Variants in ZCCHC14 observed in about 807,000 individuals in gnomAD.
ZCCHC14 encodes zinc finger CCHC-type containing 14, also known as zinc finger CCHC domain-containing protein 14.
A neutral mutation model predicts 85.0 loss-of-function variants in ZCCHC14; 16 were observed. The observed-to-expected ratio is 0.19, with a 90% confidence interval of 0.13 to 0.29. The LOEUF is 0.29. Among genes scored for constraint, ZCCHC14 ranks in the 10% least tolerant of loss-of-function variants. ZCCHC14 has a pLI of 1.00. For synonymous variants in ZCCHC14, 775 were observed against 630.7 expected (o/e 1.23, Z -3.43); for missense variants, 1,303 against 1,443.5 (o/e 0.90, Z 1.58).
At chr16:87,427,650 T>A (rs2150734013) in intron 3 of ZCCHC14, among the ~76,000 whole-genome samples, 1 of 152,172 alleles carries the variant, frequency 6.6e-6, no homozygotes, top group African/African-American at 2.4e-5. Context: ...ATTTTTTTTC[T>A]TTTTTGAGAC....
intron 3 of ZCCHC14, among the ~76,000 whole-genome samples, chr16:87,432,357 T>A (rs1909705350): frequency 1.3e-5 from 2 of 152,076 alleles, no homozygotes; most frequent in Non-Finnish European, 1.5e-5. Flanking sequence ...AAAATATAAG[T>A]GAAGTGTCTA....
At chr16:87,489,512 G>A (rs1912656406) in intron 1 of ZCCHC14, among the ~76,000 whole-genome samples, 1 of 152,210 alleles carries the variant, frequency 6.6e-6, no homozygotes, top group African/African-American at 2.4e-5. Context: ...AGCATTTACT[G>A]CACCTCTGCT....
intron 3 of ZCCHC14, among the ~76,000 whole-genome samples, chr16:87,426,933 G>T (rs1260783312): frequency 6.6e-6 from 1 of 152,224 alleles, no homozygotes; most frequent in African/African-American, 2.4e-5. Context: ...AGGCCAGTAG[G>T]AATGAAACGC....
At chr16:87,473,780 G>C (rs891899066) in intron 1 of ZCCHC14, 3 of 151,982 alleles carry the variant, frequency 2.0e-5, no homozygotes, top group African/African-American at 7.3e-5. Context: ...AGAACACTTA[G>C]GCATCTAGGA....
chr16:87,410,186 G>A lies in ZCCHC14; in HGVS notation c.*94C>T, dbSNP rs1239711434. The A allele has an allele frequency of 9.9e-6, 6 of 605,612 alleles. No individual in the cohort carries two copies. The highest frequency in any genetic ancestry group is 9.5e-5 in the African/African-American group (5 of 52,532). The allele number at this position is 605,612 out of a possible 1,614,324, so 37.5% of individuals were successfully genotyped here. ...AAGTAAAGCACCTTTGGATTAAAAA[G>A]ATTAAGCTCAACAGCAACTAGACTT... On this transcript the variant is annotated 3_prime_UTR_variant, in exon 13 of 13. Coordinates refer to ENST00000671377, the MANE Select transcript of ZCCHC14 (RefSeq NM_015144.3).
intron 2 of ZCCHC14, among the ~76,000 whole-genome samples, chr16:87,453,706 C>T (rs1006944719): frequency 4.6e-5 from 7 of 152,266 alleles, no homozygotes; most frequent in Non-Finnish European, 7.3e-5. Context: ...AGAAACAACA[C>T]TCTTCAGAAC....
intron 1 of ZCCHC14, chr16:87,467,037 A>C (rs1041348324): frequency 1.1e-4 from 44 of 403,684 alleles, no homozygotes; most frequent in Non-Finnish European, 1.7e-4. Flanking sequence ...TCATGAAAAA[A>C]AAAAATTGTT....
chr16:87,458,434 C>A (rs1460930626), intron 2 of ZCCHC14, among the ~76,000 whole-genome samples: 5 of 152,196 alleles, frequency 3.3e-5, no homozygotes, highest in Non-Finnish European at 1.5e-5. Flanking sequence ...GTGGATAAGA[C>A]AAAGACTGTT....
intron 1 of ZCCHC14, among the ~76,000 whole-genome samples, chr16:87,469,053 T>G (rs1029489617): frequency 6.6e-6 from 1 of 152,168 alleles, no homozygotes; most frequent in Non-Finnish European, 1.5e-5. Flanking sequence ...TGAGAGACCA[T>G]GGAGAATAAA....
rs146676133 is a variant in ZCCHC14 at position 87,406,640 on chromosome 16, C to T, written c.*3640G>A. The T allele has an allele frequency of 6.6e-6, 1 of 152,424 alleles. No individual in the cohort carries two copies. Among genetic ancestry groups the T allele is most frequent in the African/African-American group, 2.4e-5 (1 of 41,576 alleles). The allele number at this position is 152,424 out of a possible 1,614,324, so 9.4% of individuals were successfully genotyped here. On this transcript the variant is annotated 3_prime_UTR_variant, in exon 13 of 13. Transcript: ENST00000671377. The stretch of plus-strand genomic sequence containing the variant: ...CATGTGATGAGGGCTTGTTACAACG[C>T]ACGTGAGGCCGCGGCGGATGGCCAC...
intron 2 of ZCCHC14, among the ~76,000 whole-genome samples, chr16:87,435,805 AT>A (rs1218336236): frequency 6.6e-6 from 1 of 152,206 alleles, no homozygotes; most frequent in Non-Finnish European, 1.5e-5. Flanking sequence ...AAAAATACAA[AT>A]GTTTATTTCC....
Position 87,462,453 on chromosome 16 carries a change from A to T in ZCCHC14, c.571-2322T>A, listed in dbSNP as rs139187702. Reference sequence around the variant, plus strand: ...AACACATTAACTGTACAAGAAACACAGCCAAGGCCGGGTGCAGTGGCTCAC... The same window carrying T: ...AACACATTAACTGTACAAGAAACACTGCCAAGGCCGGGTGCAGTGGCTCAC... On this transcript the variant is annotated intron_variant, in intron 1 of 12. Transcript: ENST00000671377. Among the ~76,000 whole-genome samples the T allele has an allele frequency of 2.6e-3, 394 of 152,304 alleles. 7 individuals are homozygous for T. The East Asian group carries it at 0.038, about 15-fold the overall frequency.
Position 87,420,003 on chromosome 16 carries a change from G to C in ZCCHC14, c.951-126C>G. On this transcript the variant is annotated intron_variant, in intron 5 of 12. Transcript: ENST00000671377. The surrounding 1 kb of genome is among the most constrained non-coding windows in gnomAD (Gnocchi z 5.0). ...GAGGAAAAAAGCCAGAAGTGCCAGA[G>C]CCTCATATTCTTCCTGCTTTAATTC... 1.5e-6 allele frequency: 1 copy of C among 681,766 alleles called. No homozygotes were observed. The allele number at this position is 681,766 out of a possible 1,614,324, so 42.2% of individuals were successfully genotyped here.
intron 2 of ZCCHC14, among the ~76,000 whole-genome samples, chr16:87,443,613 T>C (rs1910289334): frequency 6.6e-6 from 1 of 152,176 alleles, no homozygotes; most frequent in Non-Finnish European, 1.5e-5. Context: ...GGTACACACC[T>C]GTAGCCCCAG....
At chr16:87,417,382 T>G in intron 8 of ZCCHC14, 78 bp downstream of exon 8, 2 of 1,555,200 alleles carry the variant, frequency 1.3e-6, no homozygotes, top group Non-Finnish European at 1.7e-6. Context: ...TGTGTTGGTT[T>G]GGAAACTCAA....
intron 2 of ZCCHC14, among the ~76,000 whole-genome samples, chr16:87,437,103 G>A (rs1345536794): frequency 1.3e-5 from 2 of 152,016 alleles, no homozygotes; most frequent in Admixed American, 1.3e-4. Context: ...TTGGGAGGCT[G>A]AGGCAGGTGG....
intron 2 of ZCCHC14, among the ~76,000 whole-genome samples, chr16:87,459,124 G>A (rs8048546): frequency 0.09 from 13,676 of 152,226 alleles, 2,026 homozygotes; most frequent in African/African-American, 0.31. Flanking sequence ...TACCCACGCT[G>A]AGCTGTCCAC....
rs1232866526 is a variant in ZCCHC14 at position 87,415,384 on chromosome 16, AAATT to A, written c.1384-21_1384-18del. On this transcript the variant is annotated intron_variant, in intron 8 of 12. Transcript: ENST00000671377. Reference sequence around the variant, plus strand: ...GCTCAAAAACTTTCACAGAAAAAACAAATTACAAAGTTACGGAGACATAAGTAGG... The same window carrying A: ...GCTCAAAAACTTTCACAGAAAAAACAACAAAGTTACGGAGACATAAGTAGG... 2 of 1,608,998 alleles carry A rather than the reference AAATT, an allele frequency of 1.2e-6. No homozygotes were observed. The highest frequency in any genetic ancestry group is 3.3e-5 in the Admixed American group (2 of 59,876).
intron 2 of ZCCHC14, among the ~76,000 whole-genome samples, chr16:87,452,047 A>G (rs1215232142): frequency 6.6e-6 from 1 of 152,248 alleles, no homozygotes; most frequent in African/African-American, 2.4e-5. Context: ...GACAAGCCGT[A>G]AGCAGGGGCG....
Sources: allele counts gnomAD v4.1 joint callset (sites outside exome capture counted in the v4.1 genomes callset), GRCh38; gene constraint gnomAD v4.1.1; non-coding constraint Gnocchi (gnomAD v3.1); transcripts MANE v1.5; gene names NCBI Gene and HGNC (gene_info 2026-07-23, HGNC 2026-07-21).